Variants in FBLN7 observed in about 807,000 individuals in gnomAD.
The protein encoded by FBLN7 is fibulin 7.
Under a neutral mutation model 44.0 loss-of-function variants are expected in FBLN7, and 31 were observed. The observed-to-expected ratio is 0.70, with a 90% CI of 0.53 to 0.95. The LOEUF (loss-of-function observed/expected upper bound fraction) is 0.95. Among genes scored for constraint, FBLN7 ranks in the 40% least tolerant of loss-of-function variants. FBLN7 has a pLI of 0.00. For missense variants in FBLN7, 573 were observed against 618.5 expected (o/e 0.93, Z 0.78); for synonymous variants, 262 against 253.4 (o/e 1.03, Z -0.32).
chr2:112,206,940 C>T, the FBLN7 span, among the ~76,000 whole-genome samples: 3 of 151,838 alleles, frequency 2.0e-5, no homozygotes, highest in Non-Finnish European at 4.4e-5. Flanking sequence ...ACTCTGTTTT[C>T]CAGGCTGGTC....
At chr2:112,240,467 T>A in the FBLN7 span, 1 of 152,192 alleles carries the variant, frequency 6.6e-6, no homozygotes, top group Non-Finnish European at 1.5e-5. Context: ...ATCAAATACA[T>A]AGAGGTGAGA....
chr2:112,160,848 GCA>G (rs71826516), intron 2 of FBLN7, among the ~76,000 whole-genome samples: 67,643 of 147,766 alleles, frequency 0.46, 15,473 homozygotes, highest in Middle Eastern at 0.65. Flanking sequence ...ACGCACACGC[GCA>G]CACACACACA....
chr2:112,160,191 C>A (rs988808929), intron 2 of FBLN7, among the ~76,000 whole-genome samples: 6 of 152,090 alleles, frequency 3.9e-5, no homozygotes, highest in Non-Finnish European at 5.9e-5. Flanking sequence ...GGGGTTTCAC[C>A]TTGTTAGCCA....
At chr2:112,231,495 G>A in the FBLN7 span, among the ~76,000 whole-genome samples, 3 of 152,054 alleles carry the variant, frequency 2.0e-5, no homozygotes, top group East Asian at 3.8e-4. Context: ...TTATAAACCC[G>A]TAACTTGTAA....
At chr2:112,218,384 T>C in the FBLN7 span, among the ~76,000 whole-genome samples, 2 of 152,158 alleles carry the variant, frequency 1.3e-5, no homozygotes, top group Non-Finnish European at 2.9e-5. Context: ...GTTTGCCTTA[T>C]TGAGTATGGT....
chr2:112,140,403 T>C (rs975482597), intron 1 of FBLN7, among the ~76,000 whole-genome samples: 6 of 152,218 alleles, frequency 3.9e-5, no homozygotes, highest in African/African-American at 1.2e-4. Context: ...GGACCCGGGC[T>C]TGCCACTTTC....
intron 4 of FBLN7, 110 bp downstream of exon 4, chr2:112,175,949 A>C: frequency 1.5e-6 from 2 of 1,357,670 alleles, no homozygotes; most frequent in African/African-American, 2.9e-5. Context: ...CCCCACTCAA[A>C]GATGTAGCTT....
intron 6 of FBLN7, 46 bp from the exon 7 acceptor site, chr2:112,185,155 G>A: frequency 6.3e-7 from 1 of 1,587,286 alleles, no homozygotes; most frequent in Non-Finnish European, 8.6e-7. Context: ...CTGCAATGGA[G>A]GGAAGGTCAG....
the FBLN7 span, among the ~76,000 whole-genome samples, chr2:112,243,058 C>G: frequency 6.6e-6 from 1 of 152,198 alleles, no homozygotes; most frequent in Admixed American, 6.5e-5. Context: ...AATTTAAAAC[C>G]AGGTAAATAC....
chr2:112,146,934 T>A (rs550631890), intron 1 of FBLN7, among the ~76,000 whole-genome samples: 12 of 152,280 alleles, frequency 7.9e-5, no homozygotes, highest in African/African-American at 2.9e-4. Flanking sequence ...TGGCTGTAGG[T>A]TTTTTGTAGG....
At chr2:112,183,502 G>A (rs987952530) in intron 6 of FBLN7, among the ~76,000 whole-genome samples, 1 of 152,156 alleles carries the variant, frequency 6.6e-6, no homozygotes, top group East Asian at 1.9e-4. Flanking sequence ...AAGTGAGGGG[G>A]CTTATCAGAG....
At chr2:112,202,146 A>T in the FBLN7 span, among the ~76,000 whole-genome samples, 1 of 152,304 alleles carries the variant, frequency 6.6e-6, no homozygotes, top group South Asian at 2.1e-4. Flanking sequence ...TAGTTTAAAA[A>T]TTTGGAGCAT....
chr2:112,197,304 G>C, the FBLN7 span, among the ~76,000 whole-genome samples: 6 of 147,230 alleles, frequency 4.1e-5, no homozygotes, highest in African/African-American at 1.6e-4. Context: ...GAGAGAGAGA[G>C]AGACAGAGAG....
At chr2:112,203,296 T>C in the FBLN7 span, among the ~76,000 whole-genome samples, 1 of 152,096 alleles carries the variant, frequency 6.6e-6, no homozygotes, top group South Asian at 2.1e-4. Context: ...ACACACAGAG[T>C]TCCTCTATGA....
the FBLN7 span, among the ~76,000 whole-genome samples, chr2:112,237,786 C>T: frequency 1.3e-5 from 2 of 151,968 alleles, no homozygotes; most frequent in African/African-American, 4.8e-5. Context: ...AGGCTGGTCT[C>T]GAACTCCTGA....
At position 112,187,639 on chromosome 2, in the gene FBLN7, C is replaced by CGCCGTGCAACGCTGCCCTAGA; in HGVS notation, c.*133_*134insGCCGTGCAACGCTGCCCTAGA. On this transcript the variant is annotated 3_prime_UTR_variant, in exon 8 of 8. Coordinates refer to ENST00000331203, the MANE Select transcript of FBLN7 (RefSeq NM_153214.3). This position sits in a 1 kb window ranked among gnomAD's most constrained non-coding sequence, Gnocchi z 5.1. ...CACCAGTGCACCCAGGCTTCTAGGG[C>CGCCGTGCAACGCTGCCCTAGA]AGCGTTGCACGGCGCCCCATGGAAT... 1.6e-6 allele frequency: 2 copies of CGCCGTGCAACGCTGCCCTAGA among 1,239,214 alleles called. No homozygotes were observed. Among genetic ancestry groups the CGCCGTGCAACGCTGCCCTAGA allele is most frequent in the Non-Finnish European group, 2.2e-6 (2 of 890,148 alleles). The allele number at this position is 1,239,214 out of a possible 1,614,324, so 76.8% of individuals were successfully genotyped here.
rs140504449 is a variant in FBLN7, at chr2:112,187,236, G to T, written c.1050G>T (p.Thr350=). 1.5e-5 allele frequency: 24 copies of T among 1,613,974 alleles called. No individual in the cohort carries two copies. The highest frequency in any genetic ancestry group is 3.3e-5 in the Admixed American group (2 of 60,020). Residue 350 remains threonine, a synonymous_variant, in exon 8 of 8, where the codon ACG becomes ACT. Transcript: ENST00000331203. This position sits in a 1 kb window ranked among gnomAD's most constrained non-coding sequence, Gnocchi z 5.1. ...HYLSLPSNLK[T]PITLFRMATA... is the part of the protein sequence containing the mutation. ...TCTCTCTGCCTTCCAACCTGAAGAC[G>T]CCCATCACGCTCTTCCGCATGGCCA...
intron 1 of FBLN7, among the ~76,000 whole-genome samples, chr2:112,140,566 T>C (rs182043625): frequency 1.6e-3 from 243 of 152,274 alleles, no homozygotes; most frequent in Admixed American, 3.3e-3. Flanking sequence ...CGTCGGTCCA[T>C]TGTGGGCGAG....
chr2:112,204,668 GA>G, the FBLN7 span, among the ~76,000 whole-genome samples: 1 of 151,976 alleles, frequency 6.6e-6, no homozygotes, highest in Admixed American at 6.6e-5. Flanking sequence ...AGAGATCAAA[GA>G]AAAAAAGCTG....
Sources: gnomAD v4.1 joint callset for allele counts (sites outside exome capture counted in the v4.1 genomes callset) on GRCh38, gnomAD v4.1.1 for gene constraint, Gnocchi (gnomAD v3.1) non-coding constraint, MANE v1.5 for transcripts, NCBI Gene and HGNC (gene_info 2026-07-23, HGNC 2026-07-21) for gene names.